The following VIPR2 variants were observed in gnomAD, a reference collection of about 807,000 sequenced individuals.
VIPR2 encodes vasoactive intestinal peptide receptor 2.
Under a neutral mutation model 58.0 loss-of-function variants are expected in VIPR2, and 48 were observed. That is an observed-to-expected ratio of 0.83 (90% CI 0.66 to 1.05). The LOEUF (loss-of-function observed/expected upper bound fraction) is 1.05. VIPR2 is among the 50% of genes least tolerant of loss of function. The pLI is 0.00. For synonymous variants in VIPR2, 243 were observed against 235.2 expected (o/e 1.03, Z -0.30); for missense variants, 534 against 558.0 (o/e 0.96, Z 0.43).
At chr7:159,041,587 G>A (rs1338007290) in intron 6 of VIPR2, among the ~76,000 whole-genome samples, 2 of 150,982 alleles carry the variant, frequency 1.3e-5, no homozygotes, top group African/African-American at 2.4e-5. Flanking sequence ...GGTCCTGAGG[G>A]TCTGTCATGG....
At chr7:159,108,657 C>G (rs1411453372) in intron 3 of VIPR2, among the ~76,000 whole-genome samples, 4 of 152,214 alleles carry the variant, frequency 2.6e-5, no homozygotes, top group African/African-American at 9.6e-5. Flanking sequence ...TTCTGTCTGG[C>G]AGAGGCTGGA....
intron 2 of VIPR2, among the ~76,000 whole-genome samples, chr7:159,112,654 G>C (rs1796065354): frequency 1.4e-5 from 2 of 142,214 alleles, no homozygotes; most frequent in Admixed American, 1.4e-4. Flanking sequence ...GGACCCGGCC[G>C]AGAGCCCCGA....
intron 3 of VIPR2, among the ~76,000 whole-genome samples, chr7:159,104,657 CAGCAACACCCTCCCTCCTCCT>C (rs1204129694): frequency 6.8e-6 from 1 of 147,500 alleles, no homozygotes; most frequent in Non-Finnish European, 1.5e-5. Flanking sequence ...TCCCTCCTCC[CAGCAACACCCTCCCTCCTCCT>C]GACAGCACCC....
At chr7:159,078,173 TC>T (rs914894043) in intron 4 of VIPR2, among the ~76,000 whole-genome samples, 7 of 152,192 alleles carry the variant, frequency 4.6e-5, no homozygotes, top group African/African-American at 1.4e-4. Context: ...CATTGAAACT[TC>T]CCCCCCTCAT....
At chr7:159,120,991 C>T (rs1796432566) in intron 2 of VIPR2, among the ~76,000 whole-genome samples, 1 of 152,194 alleles carries the variant, frequency 6.6e-6, no homozygotes, top group Non-Finnish European at 1.5e-5. Context: ...CAAAAAGCAC[C>T]CTTGCCTGCT....
chr7:159,080,235 C>T (rs372133989), intron 4 of VIPR2, among the ~76,000 whole-genome samples: 137 of 152,216 alleles, frequency 9.0e-4, no homozygotes, highest in South Asian at 2.5e-3. Flanking sequence ...ACTGGCAAAC[C>T]GAATCCAACA....
chr7:159,129,618 G>C (rs111636379), intron 2 of VIPR2, among the ~76,000 whole-genome samples: 1 of 5,464 alleles, frequency 1.8e-4, no homozygotes, highest in African/African-American at 6.6e-4. Flanking sequence ...TGGCCTCTGG[G>C]GGGGACAGGG....
intron 2 of VIPR2, among the ~76,000 whole-genome samples, chr7:159,112,798 TGAG>T (rs975793647): frequency 8.3e-6 from 1 of 120,654 alleles, no homozygotes; most frequent in Non-Finnish European, 1.8e-5. Context: ...GGGACCCGGC[TGAG>T]AGCCCCGACT....
chr7:159,122,103 G>A (rs1300252549), intron 2 of VIPR2, among the ~76,000 whole-genome samples: 2 of 152,186 alleles, frequency 1.3e-5, no homozygotes, highest in East Asian at 3.9e-4. Flanking sequence ...ACGCTTTTAT[G>A]CGTGGAGTTC....
intron 4 of VIPR2, among the ~76,000 whole-genome samples, chr7:159,094,642 G>A (rs542109591): frequency 6.6e-6 from 1 of 152,336 alleles, no homozygotes; most frequent in Non-Finnish European, 1.5e-5. Context: ...GGTGGCATCC[G>A]GCTCTGGTGG....
intron 10 of VIPR2, 28 bp downstream of exon 10, chr7:159,034,185 G>C: frequency 6.2e-7 from 1 of 1,610,862 alleles, no homozygotes; most frequent in East Asian, 2.2e-5. Flanking sequence ...TCCCCATCAG[G>C]GACGGCCAGG....
rs1853462430 is a variant in VIPR2, at chr7:159,030,341, T to TAAAA, written c.*274_*275insTTTT. 4.4e-6 allele frequency: 1 copy of TAAAA among 225,542 alleles called. No homozygotes were observed. The allele number at this position is 225,542 out of a possible 1,614,324, so 14.0% of individuals were successfully genotyped here. ...CTGGGCGACAGAGCGAGACTCCGTCTCAAAAAAAAAAAAAAAAAAAAAAGT... is the reference window on the plus strand; with the variant it reads ...CTGGGCGACAGAGCGAGACTCCGTCTAAAACAAAAAAAAAAAAAAAAAAAAAAGT... On this transcript the variant is annotated 3_prime_UTR_variant, in exon 13 of 13. Transcript: ENST00000262178.
rs1854119052 is a variant in VIPR2, at chr7:159,038,564, T to C, written c.598-1662A>G. ...GACTTACTGCCACTCATTTGAAAAG[T>C]AAAGTGAAATAAATCAAGTTTTAAA... is the stretch of plus-strand genomic sequence containing the variant. On this transcript the variant is annotated intron_variant, in intron 6 of 12. Transcript: ENST00000262178. Among the ~76,000 whole-genome samples, 2 of 152,080 alleles carry C rather than the reference T, an allele frequency of 1.3e-5. 1 individual carries two copies. Among genetic ancestry groups the C allele is most frequent in the Admixed American group, 1.3e-4 (2 of 15,268 alleles).
intron 2 of VIPR2, among the ~76,000 whole-genome samples, chr7:159,126,906 C>G (rs1040616146): frequency 6.6e-6 from 1 of 152,224 alleles, no homozygotes; most frequent in Admixed American, 6.5e-5. Flanking sequence ...TCCAGGGCTA[C>G]CTGACCAGGG....
In VIPR2 at chr7:159,096,852, G is replaced by C. The variant is rs568908306; in HGVS notation, c.357+6905C>G. The C allele has an allele frequency of 1.3e-6, 2 of 1,531,176 alleles. No homozygotes were observed. The highest frequency in any genetic ancestry group is 2.0e-5 in the Admixed American group (1 of 49,924). 94.8% of individuals were successfully genotyped at this position (1,531,176 alleles called of 1,614,324 possible). On this transcript the variant is annotated intron_variant, in intron 4 of 12. Transcript: ENST00000262178. The surrounding 1 kb of genome is among the most constrained non-coding windows in gnomAD (Gnocchi z 5.5). The stretch of plus-strand genomic sequence containing the variant: ...CGGCCCACCTCGGGATGCTTCCGCC[G>C]TACTGTGTCCATGGCTGAGACCACC...
chr7:159,104,087 G>A (rs548996318), intron 3 of VIPR2, among the ~76,000 whole-genome samples: 7 of 152,280 alleles, frequency 4.6e-5, no homozygotes, highest in Middle Eastern at 3.4e-3. Flanking sequence ...AACGCACTGT[G>A]TCATAAGTCA....
Position 159,041,362 on chromosome 7 carries a change from C to T in VIPR2, c.597+1673G>A, listed in dbSNP as rs114555530. 3.2e-3 allele frequency among the ~76,000 whole-genome samples: 491 copies of T among 152,326 alleles called. 3 individuals carry two copies. Among genetic ancestry groups the T allele is most frequent in the African/African-American group, 0.011 (460 of 41,556 alleles). On this transcript the variant is annotated intron_variant, in intron 6 of 12. Coordinates refer to ENST00000262178, the MANE Select transcript of VIPR2 (RefSeq NM_003382.5). ...GGCCAGCACCCAGTCCCGAGGGCCA[C>T]CACTTTCCATGTTGCAGGTCCTCCA...
intron 2 of VIPR2, among the ~76,000 whole-genome samples, chr7:159,129,140 G>T (rs1427294707): frequency 1.9e-5 from 2 of 103,058 alleles, no homozygotes; most frequent in African/African-American, 8.0e-5. Flanking sequence ...ACTGGCCTCT[G>T]GGGGGGACAG....
chr7:159,119,203 A>G (rs561142980), intron 2 of VIPR2, among the ~76,000 whole-genome samples: 5 of 152,092 alleles, frequency 3.3e-5, no homozygotes, highest in Non-Finnish European at 7.4e-5. Context: ...GACACAGGAG[A>G]TAGGAAGGAT....
Sources: allele counts gnomAD v4.1 joint callset (sites outside exome capture counted in the v4.1 genomes callset), GRCh38; gene constraint gnomAD v4.1.1; non-coding constraint Gnocchi (gnomAD v3.1); transcripts MANE v1.5; gene names NCBI Gene and HGNC (gene_info 2026-07-23, HGNC 2026-07-21).